Variants in CENPE observed in about 807,000 individuals in gnomAD.
The protein encoded by CENPE is centromere-associated protein E.
CENPE carries 145 observed loss-of-function variants against 336.1 expected under a neutral mutation model. The ratio of observed to expected loss-of-function variants is 0.43; its 90% CI spans 0.38 to 0.50. The LOEUF is 0.50. Ranked by LOEUF, CENPE falls within the 20% of genes least tolerant of loss-of-function variation. The pLI, the probability that CENPE is intolerant of heterozygous loss-of-function variation, is 0.00. For missense variants in CENPE, 2,719 were observed against 3,023.3 expected (o/e 0.90, Z 2.36); for synonymous variants, 1,013 against 984.8 (o/e 1.03, Z -0.54).
At chr4:103,141,172 T>C (rs1422999134) in intron 35 of CENPE, 68 bp from the exon 36 acceptor site, 17 of 907,234 alleles carry the variant, frequency 1.9e-5, no homozygotes, top group African/African-American at 5.0e-5. Flanking sequence ...GTTTCTAAAT[T>C]GATTAAGACA....
At chr4:103,158,496 T>C (rs1269698462) in intron 23 of CENPE, 38 bp from the exon 24 acceptor site, 3 of 1,513,456 alleles carry the variant, frequency 2.0e-6, no homozygotes, top group Non-Finnish European at 1.8e-6. Flanking sequence ...TCCATTAGAA[T>C]ATGAAACAAA....
intron 29 of CENPE, 130 bp downstream of exon 29, chr4:103,147,226 A>C (rs1342128073): frequency 1.4e-6 from 1 of 731,186 alleles, no homozygotes; most frequent in African/African-American, 1.8e-5. Context: ...GTTTCTAGTC[A>C]TTTCATGATT....
chr4:103,111,894 T>C (rs1749463921), intron 46 of CENPE, among the ~76,000 whole-genome samples: 1 of 152,026 alleles, frequency 6.6e-6, no homozygotes, highest in Non-Finnish European at 1.5e-5. Context: ...TACAAGCAAA[T>C]ATCATCTTAT....
chr4:103,181,291 C>T (rs769302934), intron 12 of CENPE, 46 bp downstream of exon 12: 4 of 1,368,786 alleles, frequency 2.9e-6, no homozygotes, highest in African/African-American at 1.5e-5. Context: ...GGTCTCCATT[C>T]TAAATTGGTT....
At chr4:103,182,296 G>A (rs569449627) in intron 11 of CENPE, among the ~76,000 whole-genome samples, 4 of 152,126 alleles carry the variant, frequency 2.6e-5, no homozygotes, top group African/African-American at 9.6e-5. Flanking sequence ...TCTCCATGTT[G>A]GTCAGGCTGG....
Position 103,151,208 on chromosome 4 carries a change from TA to T in CENPE, c.3396+10del. ...GAAAAAATGGCCAGGGAAATAACTT[TA>T]AAAATTCACCTTTTCCTTTAGTTTT... is the stretch of plus-strand genomic sequence containing the variant. On this transcript the variant is annotated intron_variant, in intron 26 of 48. Coordinates refer to ENST00000265148, the MANE Select transcript of CENPE (RefSeq NM_001813.3). 6.3e-7 allele frequency: 1 copy of T among 1,583,450 alleles called. No individual in the cohort carries two copies. The highest frequency in any genetic ancestry group is 8.5e-7 in the Non-Finnish European group (1 of 1,172,836).
chr4:103,170,742 T>C (rs1037713402), intron 16 of CENPE, among the ~76,000 whole-genome samples: 1 of 152,122 alleles, frequency 6.6e-6, no homozygotes, highest in Non-Finnish European at 1.5e-5. Flanking sequence ...AATTATAAGA[T>C]AGAGTGGTTG....
intron 36 of CENPE, 87 bp downstream of exon 36, chr4:103,140,727 G>T: frequency 9.0e-7 from 1 of 1,111,920 alleles, no homozygotes; most frequent in Non-Finnish European, 1.3e-6. Context: ...CTAGGTTTTA[G>T]TCACCAGACA....
intron 39 of CENPE, among the ~76,000 whole-genome samples, chr4:103,136,758 T>G (rs941116356): frequency 2.6e-5 from 4 of 152,230 alleles, no homozygotes; most frequent in Non-Finnish European, 4.4e-5. Flanking sequence ...GTAGGCAGTC[T>G]GAGTTAGCAG....
At chr4:103,176,655 G>C (rs1755892650) in intron 14 of CENPE, among the ~76,000 whole-genome samples, 1 of 152,082 alleles carries the variant, frequency 6.6e-6, no homozygotes, top group Non-Finnish European at 1.5e-5. Context: ...CGCCTCCCAG[G>C]TTCAAGCGAT....
At chr4:103,168,555 A>G (rs1755120199) in intron 16 of CENPE, among the ~76,000 whole-genome samples, 1 of 152,226 alleles carries the variant, frequency 6.6e-6, no homozygotes, top group African/African-American at 2.4e-5. Flanking sequence ...TCCATAGCAC[A>G]TTCTGAATTA....
At chr4:103,170,310 G>A (rs1442081548) in intron 16 of CENPE, among the ~76,000 whole-genome samples, 6 of 151,818 alleles carry the variant, frequency 4.0e-5, no homozygotes, top group African/African-American at 1.5e-4. Flanking sequence ...CAACAAAGAG[G>A]AATCTCACAG....
chr4:103,183,941 T>C (rs1756534253), intron 9 of CENPE, among the ~76,000 whole-genome samples: 1 of 152,196 alleles, frequency 6.6e-6, no homozygotes, highest in African/African-American at 2.4e-5. Context: ...AATTTCCATA[T>C]CGGTAAACAC....
rs571296252 is a variant in CENPE at position 103,176,060 on chromosome 4, G to GA, written c.1391-13dup. The GA allele has an allele frequency of 5.6e-3, 7,984 of 1,415,384 alleles. No homozygotes were observed. The highest frequency in any genetic ancestry group is 8.5e-3 in the South Asian group (616 of 72,266). 87.7% of individuals were successfully genotyped at this position (1,415,384 alleles called of 1,614,324 possible). ...CTCTGAACAGACAGCTATAATTAGA[G>GA]AAAAAAAAAATTTGTCCATGAACAT... is the stretch of plus-strand genomic sequence containing the variant. On this transcript the variant is annotated splice_polypyrimidine_tract_variant and intron_variant, in intron 14 of 48. Coordinates refer to ENST00000265148, the MANE Select transcript of CENPE (RefSeq NM_001813.3).
intron 24 of CENPE, among the ~76,000 whole-genome samples, chr4:103,155,525 C>T (rs577682307): frequency 1.3e-5 from 2 of 152,202 alleles, no homozygotes; most frequent in South Asian, 4.2e-4. Flanking sequence ...GTTGCCCAGG[C>T]CGGTCTTGAA....
rs1748875292 is a variant in CENPE, at chr4:103,106,132, A to C, written c.*90T>G. 5.4e-6 allele frequency: 4 copies of C among 736,320 alleles called. No individual in the cohort carries two copies. In the South Asian group the frequency reaches 1.6e-4, roughly 29 times the overall value. 45.6% of individuals were successfully genotyped at this position (736,320 alleles called of 1,614,324 possible). ...AAAGACTGAATTGAAATTAAGCTGCACTACAACATCATTACCAGGGATAGA... is the reference window on the plus strand; with the variant it reads ...AAAGACTGAATTGAAATTAAGCTGCCCTACAACATCATTACCAGGGATAGA... On this transcript the variant is annotated 3_prime_UTR_variant, in exon 49 of 49. Coordinates refer to ENST00000265148, the MANE Select transcript of CENPE (RefSeq NM_001813.3).
chr4:103,108,695 T>C, intron 48 of CENPE, 108 bp downstream of exon 48: 1 of 1,016,190 alleles, frequency 9.8e-7, no homozygotes, highest in South Asian at 1.7e-5. Context: ...CATTGTAGCT[T>C]ACTCAACTAA....
At chr4:103,128,401 G>A (rs139761358) in intron 42 of CENPE, among the ~76,000 whole-genome samples, 1 of 152,268 alleles carries the variant, frequency 6.6e-6, no homozygotes, top group Admixed American at 6.5e-5. Context: ...GAATTTAACA[G>A]TACCATCTAT....
intron 8 of CENPE, among the ~76,000 whole-genome samples, chr4:103,192,137 A>C (rs774830860): frequency 2.0e-5 from 3 of 152,200 alleles, no homozygotes; most frequent in Non-Finnish European, 2.9e-5. Context: ...AAAGAAAGTC[A>C]AAGCTTTACG....
Sources: allele counts gnomAD v4.1 joint callset (sites outside exome capture counted in the v4.1 genomes callset), GRCh38; gene constraint gnomAD v4.1.1; transcripts MANE v1.5; gene names NCBI Gene and HGNC (gene_info 2026-07-23, HGNC 2026-07-21).